The following KIRREL3 variants were observed in gnomAD, a reference collection of about 807,000 sequenced individuals.
The protein encoded by KIRREL3 is kirre like nephrin family adhesion molecule 3, also known as kin of IRRE-like protein 3.
A neutral mutation model predicts 89.7 loss-of-function variants in KIRREL3; 36 were observed. The ratio of observed to expected loss-of-function variants is 0.40; its 90% CI spans 0.31 to 0.53. KIRREL3 has a LOEUF of 0.53. Among genes scored for constraint, KIRREL3 ranks in the 20% least tolerant of loss-of-function variants. The pLI, the probability that KIRREL3 is intolerant of heterozygous loss-of-function variation, is 0.49. For missense variants in KIRREL3, 864 were observed against 1,056.6 expected (o/e 0.82, Z 2.53); for synonymous variants, 445 against 441.4 (o/e 1.01, Z -0.10).
chr11:126,828,832 C>T (rs1036729771), intron 1 of KIRREL3, among the ~76,000 whole-genome samples: 8 of 152,216 alleles, frequency 5.3e-5, no homozygotes, highest in African/African-American at 1.9e-4. Flanking sequence ...AGAGCTTAGC[C>T]AGACTGAGCA....
chr11:126,708,143 G>A lies in KIRREL3; in HGVS notation c.56-145231C>T, dbSNP rs555704533. ...TCTTCCTCTTCCACTGACTTTTCCC[G>A]TGTGAAAGGACTCCCTGGTCAGGCG... is the stretch of plus-strand genomic sequence containing the variant. On this transcript the variant is annotated intron_variant, in intron 1 of 16. Transcript: ENST00000525144. The surrounding 1 kb of genome is among the most constrained non-coding windows in gnomAD (Gnocchi z 5.7). Among the ~76,000 whole-genome samples the A allele has an allele frequency of 3.7e-4, 57 of 152,240 alleles. No individual in the cohort carries two copies. Among genetic ancestry groups the A allele is most frequent in the African/African-American group, 1.3e-3 (52 of 41,552 alleles).
rs1949566272 is a variant in KIRREL3 at position 126,976,042 on chromosome 11, T to A, written c.55+24413A>T. 6.6e-6 allele frequency among the ~76,000 whole-genome samples: 1 copy of A among 151,194 alleles called. No individual in the cohort carries two copies. Among genetic ancestry groups the A allele is most frequent in the African/African-American group, 2.4e-5 (1 of 41,090 alleles). ...CAGGACAGAGCATACCCATTCCAGA[T>A]GTGGGTCACATCAGCAGAGGGTGCC... On this transcript the variant is annotated intron_variant, in intron 1 of 16. Coordinates refer to ENST00000525144, the MANE Select transcript of KIRREL3 (RefSeq NM_032531.4). The surrounding 1 kb of genome is among the most constrained non-coding windows in gnomAD (Gnocchi z 4.2).
chr11:126,637,167 G>A (rs1367096151), intron 1 of KIRREL3, among the ~76,000 whole-genome samples: 4 of 152,194 alleles, frequency 2.6e-5, no homozygotes, highest in African/African-American at 4.8e-5. Context: ...ACTAAAGTAA[G>A]TTTTTTAGCT....
In KIRREL3 at chr11:126,476,674, T is replaced by TGGGGGGGGGGGGGGGGGGGG. The variant is rs1957077433; in HGVS notation, c.434-3209_434-3208insCCCCCCCCCCCCCCCCCCCC. ...GATGGGGGTGGGGGCTGGGGGGGGG[T>TGGGGGGGGGGGGGGGGGGGG]GGGGGTTGGTGAGGATGGAGGATGT... On this transcript the variant is annotated intron_variant, in intron 4 of 16. Coordinates refer to ENST00000525144, the MANE Select transcript of KIRREL3 (RefSeq NM_032531.4). The surrounding 1 kb of genome is among the most constrained non-coding windows in gnomAD (Gnocchi z 6.4). Among the ~76,000 whole-genome samples, 1 of 80,256 alleles carries TGGGGGGGGGGGGGGGGGGGG rather than the reference T, an allele frequency of 1.2e-5. No individual in the cohort carries two copies. Among genetic ancestry groups the TGGGGGGGGGGGGGGGGGGGG allele is most frequent in the Non-Finnish European group, 2.5e-5 (1 of 39,850 alleles). 52.7% of individuals were successfully genotyped at this position (80,256 alleles called of 152,430 possible).
At chr11:126,447,153 G>T (rs959101595) in intron 8 of KIRREL3, among the ~76,000 whole-genome samples, 2 of 152,234 alleles carry the variant, frequency 1.3e-5, no homozygotes, top group Non-Finnish European at 2.9e-5. Flanking sequence ...CGTGGGGCCT[G>T]GGAAGAAGGT....
chr11:126,676,452 C>T lies in KIRREL3; in HGVS notation c.56-113540G>A, dbSNP rs780311574. On this transcript the variant is annotated intron_variant, in intron 1 of 16. Transcript: ENST00000525144. This position sits in a 1 kb window ranked among gnomAD's most constrained non-coding sequence, Gnocchi z 4.5. ...GCCACTGGGCTGGCTCTGCAGTTGG[C>T]CACACTGAGGCTGTTCTTTGACCAG... Among the ~76,000 whole-genome samples, 2 of 152,162 alleles carry T rather than the reference C, an allele frequency of 1.3e-5. No individual in the cohort carries two copies. The highest frequency in any genetic ancestry group is 2.9e-5 in the Non-Finnish European group (2 of 68,032).
chr11:126,915,996 C>A (rs1001302436), intron 1 of KIRREL3, among the ~76,000 whole-genome samples: 3 of 152,158 alleles, frequency 2.0e-5, no homozygotes, highest in Admixed American at 6.5e-5. Flanking sequence ...CAGTCTCCAG[C>A]ACATAGTAGA....
In KIRREL3 at chr11:126,795,520, C is replaced by T. The variant is rs1344568731; in HGVS notation, c.55+204935G>A. The stretch of plus-strand genomic sequence containing the variant: ...GAGCAGCTAGGACTACAGGCGTGTG[C>T]CACCACACCTGGCTAATTTTTTTAA... On this transcript the variant is annotated intron_variant, in intron 1 of 16. Coordinates refer to ENST00000525144, the MANE Select transcript of KIRREL3 (RefSeq NM_032531.4). This position sits in a 1 kb window ranked among gnomAD's most constrained non-coding sequence, Gnocchi z 4.1. Among the ~76,000 whole-genome samples the T allele has an allele frequency of 6.6e-6, 1 of 152,160 alleles. No homozygotes were observed. The highest frequency in any genetic ancestry group is 1.9e-4 in the East Asian group (1 of 5,156).
rs58288550 is a variant in KIRREL3 at position 126,677,052 on chromosome 11, ATT to A, written c.56-114142_56-114141del. ...ATCCTCCCGCCTTGGCCTCTCAAAG[ATT>A]TTTTTTTTTTAACAGCTGTATTGAG... On this transcript the variant is annotated intron_variant, in intron 1 of 16. Coordinates refer to ENST00000525144, the MANE Select transcript of KIRREL3 (RefSeq NM_032531.4). The surrounding 1 kb of genome is among the most constrained non-coding windows in gnomAD (Gnocchi z 5.1). 5.4e-5 allele frequency among the ~76,000 whole-genome samples: 8 copies of A among 146,902 alleles called. No homozygotes were observed. The highest frequency in any genetic ancestry group is 2.0e-4 in the African/African-American group (8 of 40,336).
At chr11:126,487,102 G>A (rs373677826) in intron 4 of KIRREL3, among the ~76,000 whole-genome samples, 1 of 152,126 alleles carries the variant, frequency 6.6e-6, no homozygotes, top group Non-Finnish European at 1.5e-5. Context: ...TACATTAAGG[G>A]GTTTAAAAAA....
At chr11:126,662,868 T>C (rs1247207499) in intron 1 of KIRREL3, among the ~76,000 whole-genome samples, 1 of 151,846 alleles carries the variant, frequency 6.6e-6, no homozygotes, top group Non-Finnish European at 1.5e-5. Flanking sequence ...AACATTAACT[T>C]TCTAGAGTGT....
intron 1 of KIRREL3, among the ~76,000 whole-genome samples, chr11:126,818,601 T>G (rs1951658356): frequency 2.0e-5 from 1 of 49,844 alleles, no homozygotes; most frequent in Non-Finnish European, 3.6e-5. Context: ...AAGCAGAAAT[T>G]GTGTAGTAGT....
Position 126,719,444 on chromosome 11 carries a change from C to T in KIRREL3, c.56-156532G>A, listed in dbSNP as rs140863869. On this transcript the variant is annotated intron_variant, in intron 1 of 16. Transcript: ENST00000525144. This position sits in a 1 kb window ranked among gnomAD's most constrained non-coding sequence, Gnocchi z 4.7. ...ATGTTGGAGGACCTCAGGGCTTCTC[C>T]GAGCTGTCTACATTCACTGCCTAGG... 1.3e-4 allele frequency among the ~76,000 whole-genome samples: 20 copies of T among 152,302 alleles called. No individual in the cohort carries two copies. The East Asian group carries it at 3.3e-3, about 25-fold the overall frequency.
intron 1 of KIRREL3, among the ~76,000 whole-genome samples, chr11:126,938,408 A>G (rs777753504): frequency 6.6e-6 from 1 of 152,126 alleles, no homozygotes; most frequent in African/African-American, 2.4e-5. Flanking sequence ...TACTATCTCT[A>G]TTTTATGGAT....
chr11:126,774,603 C>T (rs1028046319), intron 1 of KIRREL3, among the ~76,000 whole-genome samples: 23 of 152,302 alleles, frequency 1.5e-4, no homozygotes, highest in African/African-American at 4.3e-4. Flanking sequence ...TTGGCCTGCA[C>T]GCTCTGCACC....
rs73633789 is a variant in KIRREL3, at chr11:126,537,154, G to A, written c.134-10467C>T. Among the ~76,000 whole-genome samples the A allele has an allele frequency of 8.8e-3, 1,333 of 152,272 alleles. 22 individuals carry two copies. The highest frequency in any genetic ancestry group is 0.03 in the African/African-American group (1,258 of 41,552). ...CAGGAAGTGAGGGTCACTAATATAA[G>A]GATGGAAATGCTTGTCCTTGCTTCT... is the stretch of plus-strand genomic sequence containing the variant. On this transcript the variant is annotated intron_variant, in intron 2 of 16. Coordinates refer to ENST00000525144, the MANE Select transcript of KIRREL3 (RefSeq NM_032531.4). The surrounding 1 kb of genome is among the most constrained non-coding windows in gnomAD (Gnocchi z 4.3).
Position 126,583,263 on chromosome 11 carries a change from C to T in KIRREL3, c.56-20351G>A, listed in dbSNP as rs369756049. Among the ~76,000 whole-genome samples, 9 of 152,326 alleles carry T rather than the reference C, an allele frequency of 5.9e-5. No individual in the cohort carries two copies. In the East Asian group the frequency reaches 1.2e-3, roughly 20 times the overall value. On this transcript the variant is annotated intron_variant, in intron 1 of 16. Coordinates refer to ENST00000525144, the MANE Select transcript of KIRREL3 (RefSeq NM_032531.4). The stretch of plus-strand genomic sequence containing the variant: ...GTGGTTACCAGGGAAAATATGCCCC[C>T]GCTCTAGGCCTGCCAGCAGCTCTAG...
In KIRREL3 at chr11:126,642,784, G is replaced by C. The variant is rs1357299049; in HGVS notation, c.56-79872C>G. ...GGGATGGATGAAAGAATGTCTTTAT[G>C]TCCCTTCAAGGGTTATGATTTTGTA... On this transcript the variant is annotated intron_variant, in intron 1 of 16. Coordinates refer to ENST00000525144, the MANE Select transcript of KIRREL3 (RefSeq NM_032531.4). The surrounding 1 kb of genome is among the most constrained non-coding windows in gnomAD (Gnocchi z 4.9). Among the ~76,000 whole-genome samples the C allele has an allele frequency of 6.6e-6, 1 of 152,160 alleles. No homozygotes were observed. The highest frequency in any genetic ancestry group is 1.5e-5 in the Non-Finnish European group (1 of 68,016).
chr11:126,832,786 T>G (rs542739167), intron 1 of KIRREL3, among the ~76,000 whole-genome samples: 1 of 152,274 alleles, frequency 6.6e-6, no homozygotes, highest in Admixed American at 6.5e-5. Context: ...AACCTACTCC[T>G]TTTTGGTCTG....
Sources: allele counts gnomAD v4.1 joint callset (sites outside exome capture counted in the v4.1 genomes callset), GRCh38; gene constraint gnomAD v4.1.1; non-coding constraint Gnocchi (gnomAD v3.1); transcripts MANE v1.5; gene names NCBI Gene and HGNC (gene_info 2026-07-23, HGNC 2026-07-21).